MSH4: variants seen among roughly 807,000 people sequenced by gnomAD.
The protein encoded by MSH4 is mutS protein homolog 4.
A neutral mutation model predicts 113.7 loss-of-function variants in MSH4; 106 were observed. The ratio of observed to expected loss-of-function variants is 0.93; its 90% CI spans 0.80 to 1.10. The LOEUF is 1.10. MSH4 is among the 50% of genes least tolerant of loss of function. MSH4 has a pLI of 0.00. For synonymous variants in MSH4, 368 were observed against 380.2 expected (o/e 0.97, Z 0.37); for missense variants, 1,061 against 1,093.7 (o/e 0.97, Z 0.42).
Position 75,810,680 on chromosome 1 carries a change from T to A in MSH4, c.589-17T>A. 1 of 1,153,234 alleles carries A rather than the reference T, an allele frequency of 8.7e-7. No homozygotes were observed. Among genetic ancestry groups the A allele is most frequent in the Non-Finnish European group, 1.2e-6 (1 of 817,380 alleles). 71.4% of individuals were successfully genotyped at this position (1,153,234 alleles called of 1,614,324 possible). On this transcript the variant is annotated splice_polypyrimidine_tract_variant and intron_variant, in intron 3 of 19. Transcript: ENST00000263187. ...CCTAAGCTTTATTTAAGAAATTGTT[T>A]ATTCAAATGATTTCAGGTGATCACT... is the stretch of plus-strand genomic sequence containing the variant.
rs2100574537 is a variant in MSH4 at position 75,883,675 on chromosome 1, T to C, written c.1961T>C (p.Leu654Pro). The change falls in exon 15 of 20, where the codon CTT becomes CCT. Residue 654 changes from leucine to proline, a missense_variant. Physicochemically the swap from Leu to Pro is moderately conservative, Grantham distance 98 (BLOSUM62 -3). Transcript: ENST00000263187. ...ATCAAACAGGGATGGCATCCTATTC[T>C]TGAAAAAATATCTGCGGAAAAACCT... is the stretch of plus-strand genomic sequence containing the variant. ...LAIKQGWHPI[L>P]EKISAEKPIA... 6.2e-7 allele frequency: 1 copy of C among 1,613,412 alleles called. No individual in the cohort carries two copies. Among genetic ancestry groups the C allele is most frequent in the Non-Finnish European group, 8.5e-7 (1 of 1,179,680 alleles).
chr1:75,848,102 G>A (rs1286250152), intron 7 of MSH4, 107 bp from the exon 8 acceptor site: 2 of 624,608 alleles, frequency 3.2e-6, no homozygotes, highest in Non-Finnish European at 5.5e-6. Flanking sequence ...AGTAATATTT[G>A]TAGGTAGAAC....
intron 17 of MSH4, among the ~76,000 whole-genome samples, chr1:75,891,923 G>T (rs1652265687): frequency 1.3e-5 from 2 of 152,122 alleles, no homozygotes; most frequent in African/African-American, 4.8e-5. Flanking sequence ...AAGCTAATTA[G>T]TGCCTCTGAT....
chr1:75,819,131 T>C (rs911147744), intron 6 of MSH4, among the ~76,000 whole-genome samples: 2 of 152,124 alleles, frequency 1.3e-5, no homozygotes, highest in African/African-American at 4.8e-5. Flanking sequence ...ATGTGTTTAT[T>C]GTTTTTATTG....
intron 8 of MSH4, among the ~76,000 whole-genome samples, chr1:75,849,550 TAAA>T (rs35588854): frequency 0.26 from 39,405 of 151,994 alleles, 6,479 homozygotes; most frequent in East Asian, 0.68. Flanking sequence ...TCATTTATAA[TAAA>T]ATCATCACTA....
intron 7 of MSH4, among the ~76,000 whole-genome samples, chr1:75,827,492 A>G (rs1650579859): frequency 6.6e-6 from 1 of 152,164 alleles, no homozygotes; most frequent in South Asian, 2.1e-4. Flanking sequence ...TAACAATATT[A>G]ACCTTAAATG....
intron 13 of MSH4, 25 bp from the exon 14 acceptor site, chr1:75,881,221 C>A (rs371847624): frequency 9.0e-6 from 13 of 1,440,422 alleles, no homozygotes; most frequent in Non-Finnish European, 1.2e-5. Context: ...AACATTATTA[C>A]ATGTCTTACC....
chr1:75,911,454 C>T (rs1652784537), intron 19 of MSH4, among the ~76,000 whole-genome samples: 1 of 152,058 alleles, frequency 6.6e-6, no homozygotes, highest in African/African-American at 2.4e-5. Context: ...CCTATTCAAG[C>T]TTTTCTTGGC....
At chr1:75,845,255 C>T (rs1472457098) in intron 7 of MSH4, among the ~76,000 whole-genome samples, 4 of 152,178 alleles carry the variant, frequency 2.6e-5, no homozygotes, top group Non-Finnish European at 4.4e-5. Context: ...TCCCAATAGG[C>T]CTAAAGTCTT....
intron 15 of MSH4, among the ~76,000 whole-genome samples, chr1:75,885,029 A>ATGTGTG (rs1176556889): frequency 8.2e-6 from 1 of 122,378 alleles, no homozygotes; most frequent in Admixed American, 9.0e-5. Context: ...ATATATATAT[A>ATGTGTG]TGTGTGTGTG....
intron 7 of MSH4, among the ~76,000 whole-genome samples, chr1:75,836,593 T>C (rs1650834755): frequency 6.6e-6 from 1 of 152,178 alleles, no homozygotes; most frequent in South Asian, 2.1e-4. Flanking sequence ...CCTAACACAG[T>C]CAACAACAGG....
intron 8 of MSH4, among the ~76,000 whole-genome samples, chr1:75,859,684 T>G (rs770749784): frequency 2.0e-5 from 3 of 152,174 alleles, no homozygotes; most frequent in Non-Finnish European, 4.4e-5. Context: ...CTTCCAATTA[T>G]GTGGTTGATT....
intron 15 of MSH4, among the ~76,000 whole-genome samples, chr1:75,885,228 TATAA>T (rs1023370973): frequency 3.5e-5 from 5 of 142,576 alleles, no homozygotes; most frequent in African/African-American, 5.1e-5. Context: ...CTATATATAA[TATAA>T]ATATATATAT....
chr1:75,814,788 CAT>C (rs1468824773), intron 4 of MSH4, among the ~76,000 whole-genome samples: 1 of 152,048 alleles, frequency 6.6e-6, no homozygotes, highest in Non-Finnish European at 1.5e-5. Context: ...TTGTATCTAA[CAT>C]ATTCCATTAA....
intron 8 of MSH4, among the ~76,000 whole-genome samples, chr1:75,850,849 A>G (rs1651170509): frequency 2.0e-5 from 3 of 152,030 alleles, no homozygotes; most frequent in Admixed American, 2.0e-4. Flanking sequence ...TATCTAATGT[A>G]TTTGGAATCT....
At chr1:75,885,257 A>G (rs1432145143) in intron 15 of MSH4, among the ~76,000 whole-genome samples, 1 of 142,622 alleles carries the variant, frequency 7.0e-6, no homozygotes, top group Non-Finnish European at 1.5e-5. Context: ...TACATTATAT[A>G]TATAAAATAT....
rs1241560919 is a variant in MSH4 at position 75,899,759 on chromosome 1, G to A, written c.2619+53G>A. ...TCAAATTAAAAAAAATACTTTTAGT[G>A]TAGATTTTTATTATGACCTTTGATC... is the stretch of plus-strand genomic sequence containing the variant. On this transcript the variant is annotated intron_variant, in intron 19 of 19. Coordinates refer to ENST00000263187, the MANE Select transcript of MSH4 (RefSeq NM_002440.4). 7 of 985,276 alleles carry A rather than the reference G, an allele frequency of 7.1e-6. No homozygotes were observed. The South Asian group carries it at 1.5e-4, about 22-fold the overall frequency. The allele number at this position is 985,276 out of a possible 1,614,324, so 61.0% of individuals were successfully genotyped here.
chr1:75,847,681 G>A (rs966974464), intron 7 of MSH4, among the ~76,000 whole-genome samples: 1 of 152,148 alleles, frequency 6.6e-6, no homozygotes, highest in Non-Finnish European at 1.5e-5. Flanking sequence ...ATGGAGGATG[G>A]TCAAGGAGGA....
chr1:75,912,779 C>G lies in MSH4; in HGVS notation c.2703C>G (p.Asn901Lys). The change falls in exon 20 of 20, where the codon AAC becomes AAG. Residue 901 changes from asparagine to lysine, a missense_variant. Coordinates refer to ENST00000263187, the MANE Select transcript of MSH4 (RefSeq NM_002440.4). ...LATRLVQTAR[N>K]SQLDPDSLRI... is the part of the protein sequence containing the mutation. ...CTAGGCTTGTTCAAACTGCTCGAAA[C>G]TCTCAATTGGATCCAGACAGTTTAC... 1 of 1,594,696 alleles carries G rather than the reference C, an allele frequency of 6.3e-7. No individual in the cohort carries two copies. Among genetic ancestry groups the G allele is most frequent in the Non-Finnish European group, 8.5e-7 (1 of 1,171,202 alleles).
Sources: allele counts gnomAD v4.1 joint callset (sites outside exome capture counted in the v4.1 genomes callset), GRCh38; gene constraint gnomAD v4.1.1; transcripts MANE v1.5; gene names NCBI Gene and HGNC (gene_info 2026-07-23, HGNC 2026-07-21).